TRIM71: variants seen among roughly 807,000 people sequenced by gnomAD.
The protein encoded by TRIM71 is tripartite motif containing 71, also known as E3 ubiquitin-protein ligase TRIM71.
In TRIM71, 9 loss-of-function variants were observed where a neutral mutation model predicts 61.2. That is an observed-to-expected ratio of 0.15 (90% CI 0.09 to 0.26). The LOEUF is 0.26. Among genes scored for constraint, TRIM71 ranks in the 10% least tolerant of loss-of-function variants. The probability of loss-of-function intolerance (pLI) is 1.00; values close to 1 mark genes in which losing one functional copy is unlikely to be tolerated. For missense variants in TRIM71, 998 were observed against 1,238.7 expected (o/e 0.81, Z 2.92); for synonymous variants, 645 against 553.2 (o/e 1.17, Z -2.33).
intron 1 of TRIM71, among the ~76,000 whole-genome samples, chr3:32,869,811 G>A (rs1208116347): frequency 6.6e-6 from 1 of 152,162 alleles, no homozygotes; most frequent in East Asian, 1.9e-4. Context: ...AGGGAAGAGG[G>A]TGGTCACTTG....
At chr3:32,877,130 G>C (rs1467361431) in intron 2 of TRIM71, among the ~76,000 whole-genome samples, 2 of 152,140 alleles carry the variant, frequency 1.3e-5, no homozygotes. Flanking sequence ...GCATCCTTAA[G>C]TCTTGCTCTA....
chr3:32,895,822 A>G lies in TRIM71; in HGVS notation c.*4011A>G, dbSNP rs922479554. The G allele has an allele frequency of 6.6e-6, 1 of 152,156 alleles. No individual in the cohort carries two copies. Among genetic ancestry groups the G allele is most frequent in the Non-Finnish European group, 1.5e-5 (1 of 68,050 alleles). The allele number at this position is 152,156 out of a possible 1,614,324, so 9.4% of individuals were successfully genotyped here. A position where few individuals can be genotyped will look rare whatever the true frequency, so the allele number is the denominator to read the frequency against. On this transcript the variant is annotated 3_prime_UTR_variant, in exon 4 of 4. Transcript: ENST00000383763. ...CACTGACTGCTTTTGCTGAGTTTCT[A>G]CCTCACTTGTGGCAAGTCATCTACC...
At chr3:32,868,042 C>T (rs568820876) in intron 1 of TRIM71, among the ~76,000 whole-genome samples, 7 of 152,222 alleles carry the variant, frequency 4.6e-5, no homozygotes, top group South Asian at 4.2e-4. Context: ...ACTGCCAGAA[C>T]GCAACACAAC....
intron 1 of TRIM71, among the ~76,000 whole-genome samples, chr3:32,849,864 A>G (rs1414867568): frequency 2.6e-5 from 4 of 152,222 alleles, no homozygotes; most frequent in Non-Finnish European, 5.9e-5. Flanking sequence ...AATTTTGCAC[A>G]CTAATTGAGG....
chr3:32,840,917 C>T (rs916328194), intron 1 of TRIM71, among the ~76,000 whole-genome samples: 8 of 152,168 alleles, frequency 5.3e-5, no homozygotes, highest in African/African-American at 1.4e-4. Context: ...CAGCTTTTAT[C>T]TTATCCACAA....
chr3:32,860,462 A>G (rs1696654880), intron 1 of TRIM71, among the ~76,000 whole-genome samples: 1 of 151,962 alleles, frequency 6.6e-6, no homozygotes, highest in African/African-American at 2.4e-5. Context: ...GACCCCTCAC[A>G]CCTTTCTTTA....
chr3:32,819,442 C>T (rs1696103514), intron 1 of TRIM71, among the ~76,000 whole-genome samples: 1 of 152,294 alleles, frequency 6.6e-6, no homozygotes, highest in Middle Eastern at 3.4e-3. Flanking sequence ...CCTCCGTAGA[C>T]CTGGTTTCCA....
chr3:32,830,057 G>A (rs1417856600), intron 1 of TRIM71, among the ~76,000 whole-genome samples: 1 of 150,768 alleles, frequency 6.6e-6, no homozygotes. Flanking sequence ...CCGGGTATAT[G>A]GGACTATAGG....
chr3:32,823,763 T>C (rs1263966846), intron 1 of TRIM71, among the ~76,000 whole-genome samples: 1 of 145,830 alleles, frequency 6.9e-6, no homozygotes, highest in African/African-American at 2.6e-5. Context: ...AGCGAGACTA[T>C]CTAAAAAGAT....
At chr3:32,868,498 T>C (rs1307376753) in intron 1 of TRIM71, among the ~76,000 whole-genome samples, 2 of 152,162 alleles carry the variant, frequency 1.3e-5, no homozygotes, top group African/African-American at 4.8e-5. Flanking sequence ...TTGTGGTACA[T>C]TCATATAGCA....
intron 1 of TRIM71, among the ~76,000 whole-genome samples, chr3:32,841,199 C>G (rs1402320300): frequency 6.6e-6 from 1 of 152,054 alleles, no homozygotes; most frequent in Non-Finnish European, 1.5e-5. Context: ...GAGCTGAGAT[C>G]GCGCCACTGC....
At chr3:32,859,754 A>G (rs904129404) in intron 1 of TRIM71, among the ~76,000 whole-genome samples, 8 of 152,142 alleles carry the variant, frequency 5.3e-5, no homozygotes, top group African/African-American at 9.7e-5. Context: ...TCCTGCTGTA[A>G]TGACTGCTTC....
At position 32,891,031 on chromosome 3, in the gene TRIM71, T is replaced by A; in HGVS notation, c.1827T>A (p.Pro609=). The part of the protein sequence containing the change: ...EGDSDGKLCR[P]WGVSVDKEGY... ...ACAGCGATGGCAAGCTCTGCCGCCCTTGGGGTGTGAGTGTAGACAAGGAGG... is the reference window on the plus strand; with the variant it reads ...ACAGCGATGGCAAGCTCTGCCGCCCATGGGGTGTGAGTGTAGACAAGGAGG... Residue 609 remains proline (P), a synonymous_variant, in exon 4 of 4, where the codon CCT becomes CCA. Coordinates refer to ENST00000383763, the MANE Select transcript of TRIM71 (RefSeq NM_001039111.3). The surrounding 1 kb of genome is among the most constrained non-coding windows in gnomAD (Gnocchi z 8.2). The A allele has an allele frequency of 6.2e-7, 1 of 1,613,860 alleles. No individual in the cohort carries two copies. The highest frequency in any genetic ancestry group is 1.1e-5 in the South Asian group (1 of 91,076).
chr3:32,892,726 CA>C lies in TRIM71; in HGVS notation c.*919del, dbSNP rs1697040512. The stretch of plus-strand genomic sequence containing the variant: ...CAGGATTTTTGATTAAACATATTCT[CA>C]AAAGTTATGCTTTCTTATTTTGCTG... On this transcript the variant is annotated 3_prime_UTR_variant, in exon 4 of 4. Transcript: ENST00000383763. 1 of 152,120 alleles carries C rather than the reference CA, an allele frequency of 6.6e-6. No homozygotes were observed. Among genetic ancestry groups the C allele is most frequent in the South Asian group, 2.1e-4 (1 of 4,830 alleles). The allele number at this position is 152,120 out of a possible 1,614,324, so 9.4% of individuals were successfully genotyped here.
intron 1 of TRIM71, among the ~76,000 whole-genome samples, chr3:32,861,892 C>T (rs1696673318): frequency 6.6e-6 from 1 of 152,178 alleles, no homozygotes; most frequent in African/African-American, 2.4e-5. Context: ...CCACCTGAGC[C>T]TCGGCAATCC....
rs760954009 is a variant in TRIM71 at position 32,885,988 on chromosome 3, G to T, written c.1075G>T (p.Val359Phe). 1 of 1,614,074 alleles carries T rather than the reference G, an allele frequency of 6.2e-7. No individual in the cohort carries two copies. The highest frequency in any genetic ancestry group is 8.5e-7 in the Non-Finnish European group (1 of 1,180,032). The part of the protein sequence containing the change: ...VAEQVEMKAK[V>F]VQSEVKAVTA... ...GGAACAGGTGGAGATGAAGGCGAAG[G>T]TTGTGCAGTCGGAGGTCAAAGCCGT... Residue 359 changes from valine to phenylalanine, a missense_variant, in exon 3 of 4, where the codon GTT becomes TTT. Val to Phe is a conservative substitution (Grantham distance 50). Coordinates refer to ENST00000383763, the MANE Select transcript of TRIM71 (RefSeq NM_001039111.3).
At chr3:32,843,582 T>G (rs1696435730) in intron 1 of TRIM71, among the ~76,000 whole-genome samples, 1 of 152,144 alleles carries the variant, frequency 6.6e-6, no homozygotes, top group Non-Finnish European at 1.5e-5. Context: ...TCCCCCTCCC[T>G]TTCCCTGCCA....
At chr3:32,834,363 A>G (rs1009110823) in intron 1 of TRIM71, among the ~76,000 whole-genome samples, 3 of 152,184 alleles carry the variant, frequency 2.0e-5, no homozygotes, top group Non-Finnish European at 4.4e-5. Flanking sequence ...CAATAAATCC[A>G]GACTTGCCTT....
intron 1 of TRIM71, among the ~76,000 whole-genome samples, chr3:32,866,363 A>G (rs920362270): frequency 6.6e-6 from 1 of 152,012 alleles, no homozygotes; most frequent in Non-Finnish European, 1.5e-5. Context: ...ATTCTGCCTC[A>G]GCCTCCCGAG....
Sources: allele counts gnomAD v4.1 joint callset (sites outside exome capture counted in the v4.1 genomes callset), GRCh38; gene constraint gnomAD v4.1.1; non-coding constraint Gnocchi (gnomAD v3.1); transcripts MANE v1.5; gene names NCBI Gene and HGNC (gene_info 2026-07-23, HGNC 2026-07-21).